Variants in ACSBG2 observed in about 807,000 individuals in gnomAD.
ACSBG2 encodes the protein acyl-CoA synthetase bubblegum family member 2, also known as long-chain-fatty-acid--CoA ligase ACSBG2.
In ACSBG2, 62 loss-of-function variants were observed where a neutral mutation model predicts 74.7. That is an observed-to-expected ratio of 0.83 (90% CI 0.68 to 1.03). ACSBG2 has a LOEUF of 1.03. Among genes scored for constraint, ACSBG2 ranks in the 50% least tolerant of loss-of-function variants. The pLI, the probability that ACSBG2 is intolerant of heterozygous loss-of-function variation, is 0.00. For missense variants in ACSBG2, 730 were observed against 817.6 expected, an observed-to-expected ratio of 0.89 and a Z score of 1.31; for synonymous variants, 309 against 294.1, an observed-to-expected ratio of 1.05 and a Z score of -0.52.
rs2089077768 is a variant in ACSBG2, at chr19:6,147,519, T to C, written c.141T>C (p.His47=). 1 of 1,614,058 alleles carries C rather than the reference T, an allele frequency of 6.2e-7. No individual in the cohort carries two copies. Among genetic ancestry groups the C allele is most frequent in the Non-Finnish European group, 8.5e-7 (1 of 1,180,032 alleles). The part of the protein sequence containing the change: ...LLRLSKHGPG[H]ETPMTIPEFF... ...GGCTATCCAAACACGGACCAGGCCA[T>C]GAGACCCCGATGACCATCCCTGAAT... The change falls in exon 3 of 15, where the codon CAT becomes CAC. Residue 47 remains histidine (H), a synonymous_variant. Transcript: ENST00000588485.
At chr19:6,181,332 AAG>A (rs983179193) in intron 8 of ACSBG2, among the ~76,000 whole-genome samples, 14 of 150,214 alleles carry the variant, frequency 9.3e-5, no homozygotes, top group African/African-American at 3.2e-4. Flanking sequence ...GGGAGGAAAA[AAG>A]AGGAAGGAAG....
chr19:6,154,744 T>TCAGG (rs2089364642), intron 4 of ACSBG2, among the ~76,000 whole-genome samples: 3 of 151,992 alleles, frequency 2.0e-5, no homozygotes, highest in South Asian at 2.1e-4. Context: ...ACTCCTGACC[T>TCAGG]CAGGTAATCC....
rs780488549 is a variant in ACSBG2 at position 6,183,075 on chromosome 19, G to C, written c.1125G>C (p.Lys375Asn). The change falls in exon 10 of 15, where the codon AAG (lysine) becomes AAC (asparagine). Residue 375 changes from lysine (K) to asparagine (N), a missense_variant. Physicochemically the swap from Lys to Asn is moderately conservative, Grantham distance 94. Coordinates refer to ENST00000588485, the MANE Select transcript of ACSBG2 (RefSeq NM_030924.5). Reference sequence around the variant, plus strand: ...CTCCCGTGAGCTACCGCATGGCTAAGACTCTCGTGTTCAGCAAAGTCAAGA... The same window carrying C: ...CTCCCGTGAGCTACCGCATGGCTAACACTCTCGTGTTCAGCAAAGTCAAGA... ...YNTPVSYRMA[K>N]TLVFSKVKTS... The C allele has an allele frequency of 6.2e-7, 1 of 1,614,220 alleles. No individual in the cohort carries two copies. The highest frequency in any genetic ancestry group is 1.7e-5 in the Admixed American group (1 of 60,018).
chr19:6,161,925 T>C (rs2089636649), intron 6 of ACSBG2, among the ~76,000 whole-genome samples: 1 of 152,076 alleles, frequency 6.6e-6, no homozygotes, highest in Non-Finnish European at 1.5e-5. Flanking sequence ...ATTAAGATAA[T>C]TAAACAATAT....
At chr19:6,170,787 ATTTC>A (rs1346403170) in intron 7 of ACSBG2, among the ~76,000 whole-genome samples, 1 of 152,074 alleles carries the variant, frequency 6.6e-6, no homozygotes, top group Non-Finnish European at 1.5e-5. Flanking sequence ...TTAGTCTAGT[ATTTC>A]TTTATTTTCT....
chr19:6,175,925 A>G (rs16993434), intron 7 of ACSBG2: 15,120 of 157,124 alleles, frequency 0.096, 1,588 homozygotes, highest in African/African-American at 0.27. Flanking sequence ...AGGCAATAAA[A>G]GCCACGAGGG....
At chr19:6,182,288 C>T (rs1034669223) in intron 8 of ACSBG2, among the ~76,000 whole-genome samples, 13 of 150,278 alleles carry the variant, frequency 8.7e-5, no homozygotes, top group African/African-American at 3.0e-4. Flanking sequence ...AATCTTGCAT[C>T]CTTTTTTAAC....
At chr19:6,177,104 TG>T in intron 7 of ACSBG2, 124 bp from the exon 8 acceptor site, 1 of 1,011,356 alleles carries the variant, frequency 9.9e-7, no homozygotes, top group Non-Finnish European at 1.4e-6. Flanking sequence ...GAGGCTGCAG[TG>T]AGCTGTGATC....
At chr19:6,145,164 C>T (rs992830242) in intron 2 of ACSBG2, among the ~76,000 whole-genome samples, 8 of 151,886 alleles carry the variant, frequency 5.3e-5, no homozygotes, top group East Asian at 1.9e-4. Context: ...TTTGGGAAGC[C>T]GAGGCAGGCG....
chr19:6,153,106 G>T (rs1301806938), intron 4 of ACSBG2, among the ~76,000 whole-genome samples: 4 of 152,058 alleles, frequency 2.6e-5, no homozygotes, highest in African/African-American at 4.8e-5. Context: ...TCAGCCAGGC[G>T]TGGTGGCAGG....
chr19:6,185,793 C>T (rs1343973363), intron 11 of ACSBG2, 140 bp downstream of exon 11: 3 of 808,604 alleles, frequency 3.7e-6, no homozygotes, highest in African/African-American at 1.7e-5. Flanking sequence ...TCAGTCTGTA[C>T]AACCCAGCTC....
chr19:6,165,856 C>G lies in ACSBG2; in HGVS notation c.589-10C>G. 1 of 1,613,890 alleles carries G rather than the reference C, an allele frequency of 6.2e-7. No individual in the cohort carries two copies. Among genetic ancestry groups the G allele is most frequent in the African/African-American group, 1.3e-5 (1 of 75,046 alleles). ...CCTTCTCATCCTCCGCTTGTCTTTT[C>G]TGTCCACAGTGGGATGATTTCATGG... On this transcript the variant is annotated splice_polypyrimidine_tract_variant and intron_variant, in intron 6 of 14. Coordinates refer to ENST00000588485, the MANE Select transcript of ACSBG2 (RefSeq NM_030924.5).
chr19:6,161,554 GAAGTGGGTGTGGCCTTTCAAAGA>G (rs1189173075), intron 6 of ACSBG2: 1 of 374,602 alleles, frequency 2.7e-6, no homozygotes, highest in African/African-American at 2.1e-5. Flanking sequence ...CCTTACAAGG[GAAGTGGGTGTGGCCTTTCAAAGA>G]AAGTGGGAGG....
At chr19:6,154,939 T>C (rs2089369579) in intron 4 of ACSBG2, among the ~76,000 whole-genome samples, 1 of 152,220 alleles carries the variant, frequency 6.6e-6, no homozygotes, top group Non-Finnish European at 1.5e-5. Flanking sequence ...TGCTATTTTG[T>C]ATTCTGTATG....
Position 6,154,328 on chromosome 19 carries a change from G to A in ACSBG2, c.387-2103G>A, listed in dbSNP as rs142126116. On this transcript the variant is annotated intron_variant, in intron 4 of 14. Transcript: ENST00000588485. The stretch of plus-strand genomic sequence containing the variant: ...CAGGAGAATCACTTGAACCCGGGAC[G>A]CAGAGGTTGCAGTGAGCCGAGATCA... 1.7e-4 allele frequency among the ~76,000 whole-genome samples: 25 copies of A among 149,500 alleles called. No individual in the cohort carries two copies. The East Asian group carries it at 4.8e-3, about 29-fold the overall frequency.
intron 7 of ACSBG2, among the ~76,000 whole-genome samples, chr19:6,173,282 G>A (rs185503889): frequency 1.3e-5 from 2 of 152,312 alleles, no homozygotes; most frequent in African/African-American, 4.8e-5. Context: ...GGTGCAGTGG[G>A]TCAAGGGCAG....
chr19:6,165,757 TC>T, intron 6 of ACSBG2, 108 bp from the exon 7 acceptor site: 1 of 1,377,670 alleles, frequency 7.3e-7, no homozygotes. Context: ...CCTAAGCCCT[TC>T]CACCTGCTGA....
chr19:6,141,669 C>T (rs1176701848), intron 2 of ACSBG2, 59 bp downstream of exon 2: 1 of 1,126,638 alleles, frequency 8.9e-7, no homozygotes, highest in Non-Finnish European at 1.3e-6. Flanking sequence ...CACAAAGGCT[C>T]TTTGCAGAGG....
chr19:6,149,454 GGT>G (rs2089156622), intron 3 of ACSBG2, among the ~76,000 whole-genome samples: 1 of 151,040 alleles, frequency 6.6e-6, no homozygotes, highest in Admixed American at 6.6e-5. Context: ...TGAGTTTCCT[GGT>G]TCATTCTCAC....
Sources: gnomAD v4.1 joint callset for allele counts (sites outside exome capture counted in the v4.1 genomes callset) on GRCh38, gnomAD v4.1.1 for gene constraint, MANE v1.5 for transcripts, NCBI Gene and HGNC (gene_info 2026-07-23, HGNC 2026-07-21) for gene names.